Variants in LPP observed in about 807,000 individuals in gnomAD.
LPP encodes lipoma-preferred partner.
A neutral mutation model predicts 60.4 loss-of-function variants in LPP; 38 were observed. The ratio of observed to expected loss-of-function variants is 0.63; its 90% confidence interval spans 0.49 to 0.83. The LOEUF is 0.83. Ranked by LOEUF, LPP falls within the 40% of genes least tolerant of loss-of-function variation. LPP has a pLI of 0.00. For missense variants in LPP, 902 were observed against 783.6 expected (o/e 1.15, Z -1.80); for synonymous variants, 328 against 290.8 (o/e 1.13, Z -1.30).
chr3:188,723,674 A>T (rs950565098), intron 8 of LPP, among the ~76,000 whole-genome samples: 28 of 152,224 alleles, frequency 1.8e-4, no homozygotes, highest in African/African-American at 6.7e-4. Context: ...TAGAATTTCG[A>T]TGCATAATCC....
At chr3:188,473,440 T>A (rs1802362571) in intron 4 of LPP, among the ~76,000 whole-genome samples, 1 of 152,192 alleles carries the variant, frequency 6.6e-6, no homozygotes, top group African/African-American at 2.4e-5. Context: ...CAATCTTTGT[T>A]TTTCCAGAAG....
intron 1 of LPP, among the ~76,000 whole-genome samples, chr3:188,172,965 T>C (rs1454207393): frequency 6.6e-6 from 1 of 152,194 alleles, no homozygotes; most frequent in African/African-American, 2.4e-5. Flanking sequence ...CCTTCTGGGT[T>C]CAAGCAATCC....
chr3:188,560,154 G>A (rs532324505), intron 6 of LPP, among the ~76,000 whole-genome samples: 1 of 152,218 alleles, frequency 6.6e-6, no homozygotes, highest in Admixed American at 6.5e-5. Flanking sequence ...TACAGAGAAT[G>A]CATAGAGAGC....
chr3:188,259,950 A>G (rs1280330329), intron 2 of LPP, among the ~76,000 whole-genome samples: 1 of 152,084 alleles, frequency 6.6e-6, no homozygotes, highest in Admixed American at 6.5e-5. Flanking sequence ...TAAAGGCAAT[A>G]TATTCTCATA....
rs1553939367 is a variant in LPP at position 188,602,164 on chromosome 3, A to AATATATATATAATATATATATAATAT, written c.430-6986_430-6985insATATATATATAATATATATATATATA. 4.0e-4 allele frequency among the ~76,000 whole-genome samples: 40 copies of AATATATATATAATATATATATAATAT among 98,908 alleles called. 1 individual carries two copies. The highest frequency in any genetic ancestry group is 1.4e-3 in the African/African-American group (38 of 26,292). The allele number at this position is 98,908 out of a possible 152,430, so 64.9% of individuals were successfully genotyped here. A position where few individuals can be genotyped will look rare whatever the true frequency, so the allele number is the denominator to read the frequency against. On this transcript the variant is annotated intron_variant, in intron 6 of 11. Transcript: ENST00000617246. ...TCTCATATATATATAATATATATAT[A>AATATATATATAATATATATATAATAT]ATATATATATATTATATATATATAT...
In LPP at chr3:188,427,179, A is replaced by G. The variant is rs1475194206; in HGVS notation, c.193+20866A>G. The stretch of plus-strand genomic sequence containing the variant: ...AGAAAACCTCTCAGTGTTTACTTAT[A>G]TGTAAAGGATTTTATTTCTTCTTCA... On this transcript the variant is annotated intron_variant, in intron 4 of 11. Coordinates refer to ENST00000617246, the MANE Select transcript of LPP (RefSeq NM_001375462.1). Among the ~76,000 whole-genome samples, 4 of 152,192 alleles carry G rather than the reference A, an allele frequency of 2.6e-5. No homozygotes were observed. In the East Asian group the frequency reaches 7.7e-4, roughly 29 times the overall value.
At chr3:188,521,245 C>T (rs763351043) in intron 5 of LPP, among the ~76,000 whole-genome samples, 1 of 152,274 alleles carries the variant, frequency 6.6e-6, no homozygotes, top group African/African-American at 2.4e-5. Flanking sequence ...TAGACTGGAA[C>T]TTGTGATAAA....
At chr3:188,639,604 C>T (rs1229300541) in intron 7 of LPP, among the ~76,000 whole-genome samples, 9 of 148,098 alleles carry the variant, frequency 6.1e-5, no homozygotes, top group South Asian at 4.4e-4. Flanking sequence ...AGAAAATTTT[C>T]GCAACCTACT....
intron 4 of LPP, among the ~76,000 whole-genome samples, chr3:188,463,695 T>C (rs1417120825): frequency 6.6e-6 from 1 of 152,224 alleles, no homozygotes; most frequent in African/African-American, 2.4e-5. Context: ...CAGTATGATA[T>C]TTAGTCATGC....
intron 7 of LPP, among the ~76,000 whole-genome samples, chr3:188,646,341 C>T (rs758827101): frequency 2.0e-5 from 3 of 152,088 alleles, no homozygotes; most frequent in Non-Finnish European, 2.9e-5. Flanking sequence ...GTTCTGTTTA[C>T]GGAGGCAGTC....
intron 9 of LPP, among the ~76,000 whole-genome samples, chr3:188,773,650 A>G (rs1257102536): frequency 1.3e-5 from 2 of 152,234 alleles, no homozygotes; most frequent in Non-Finnish European, 1.5e-5. Flanking sequence ...AGCTCATGGG[A>G]CGTGTTAGTA....
chr3:188,414,986 A>G (rs1165854133), intron 4 of LPP, among the ~76,000 whole-genome samples: 1 of 152,154 alleles, frequency 6.6e-6, no homozygotes, highest in African/African-American at 2.4e-5. Flanking sequence ...TTGTTGACAG[A>G]AATCTCTTTT....
intron 5 of LPP, 139 bp from the exon 6 acceptor site, chr3:188,524,526 G>A: frequency 1.2e-6 from 1 of 827,834 alleles, no homozygotes; most frequent in Admixed American, 2.5e-5. Flanking sequence ...ACCTCACTGA[G>A]ATTTTATGAA....
At chr3:188,240,183 A>G (rs571906489) in intron 2 of LPP, 4 of 182,582 alleles carry the variant, frequency 2.2e-5, no homozygotes, top group Non-Finnish European at 4.7e-5. Flanking sequence ...TGTGTAAATG[A>G]TATCTGTGTG....
intron 6 of LPP, among the ~76,000 whole-genome samples, chr3:188,581,698 T>G (rs1322311516): frequency 6.6e-6 from 1 of 152,142 alleles, no homozygotes; most frequent in Non-Finnish European, 1.5e-5. Context: ...GGTTATACCC[T>G]GGATCTTATC....
At chr3:188,635,564 A>T (rs1462370458) in intron 7 of LPP, among the ~76,000 whole-genome samples, 1 of 152,206 alleles carries the variant, frequency 6.6e-6, no homozygotes. Context: ...CTGAGCCTCT[A>T]AGAGGCTCCA....
At chr3:188,668,939 G>A (rs947011382) in intron 7 of LPP, among the ~76,000 whole-genome samples, 6 of 152,080 alleles carry the variant, frequency 3.9e-5, no homozygotes, top group Non-Finnish European at 8.8e-5. Flanking sequence ...ACTTGAAAAT[G>A]GGCATTTTAA....
At chr3:188,472,400 A>G (rs1386888395) in intron 4 of LPP, among the ~76,000 whole-genome samples, 2 of 152,204 alleles carry the variant, frequency 1.3e-5, no homozygotes, top group Non-Finnish European at 2.9e-5. Flanking sequence ...AAAAAAATAC[A>G]TGCCAAAAAA....
At chr3:188,823,623 T>C (rs189911139) in intron 9 of LPP, among the ~76,000 whole-genome samples, 64 of 152,342 alleles carry the variant, frequency 4.2e-4, no homozygotes, top group African/African-American at 1.4e-3. Flanking sequence ...TGGCAATCTA[T>C]AACTGCTTTA....
Sources: allele counts gnomAD v4.1 joint callset (sites outside exome capture counted in the v4.1 genomes callset), GRCh38; gene constraint gnomAD v4.1.1; transcripts MANE v1.5; gene names NCBI Gene and HGNC (gene_info 2026-07-23, HGNC 2026-07-21).